Variants in GALNT17 observed in about 807,000 individuals in gnomAD.
The protein encoded by GALNT17 is UDP-GalNAc:polypeptide N-acetylgalactosaminyltransferase-like 3.
In GALNT17, 29 loss-of-function variants were observed where a neutral mutation model predicts 63.7. The observed-to-expected ratio is 0.46, with a 90% CI of 0.34 to 0.62. The LOEUF is 0.62. Among genes scored for constraint, GALNT17 ranks in the 20% least tolerant of loss-of-function variants. The pLI is 0.01. For missense variants in GALNT17, 603 were observed against 799.6 expected (o/e 0.75, Z 2.97); for synonymous variants, 305 against 318.3 (o/e 0.96, Z 0.45).
At chr7:71,346,719 A>G (rs1474081886) in intron 2 of GALNT17, among the ~76,000 whole-genome samples, 1 of 112,012 alleles carries the variant, frequency 8.9e-6, no homozygotes, top group Non-Finnish European at 1.6e-5. Flanking sequence ...CAGCAAGTGG[A>G]CAGTTTATCT....
chr7:71,631,390 A>G (rs777203368), intron 6 of GALNT17, among the ~76,000 whole-genome samples: 3 of 151,684 alleles, frequency 2.0e-5, no homozygotes, highest in Non-Finnish European at 2.9e-5. Context: ...AGGTCTCACT[A>G]TGTTGCCCAG....
intron 5 of GALNT17, among the ~76,000 whole-genome samples, chr7:71,569,649 A>G (rs1420935404): frequency 7.2e-5 from 11 of 152,168 alleles, no homozygotes; most frequent in Non-Finnish European, 1.6e-4. Context: ...ACTCTGGGGA[A>G]CAACTTTTCC....
At chr7:71,313,078 C>T (rs1433669740) in intron 1 of GALNT17, among the ~76,000 whole-genome samples, 1 of 152,142 alleles carries the variant, frequency 6.6e-6, no homozygotes, top group East Asian at 1.9e-4. Context: ...CACTGCACTC[C>T]AGTCTGGGGC....
chr7:71,710,979 C>A, intron 10 of GALNT17, 51 bp downstream of exon 10: 1 of 1,590,126 alleles, frequency 6.3e-7, no homozygotes, highest in Non-Finnish European at 8.5e-7. Context: ...CAAGAGGCTG[C>A]AGACCACAGA....
intron 5 of GALNT17, among the ~76,000 whole-genome samples, chr7:71,468,976 C>T (rs1472398098): frequency 6.6e-6 from 1 of 152,092 alleles, no homozygotes; most frequent in East Asian, 1.9e-4. Context: ...GGGACAGAAA[C>T]GTTTATCACA....
intron 4 of GALNT17, among the ~76,000 whole-genome samples, chr7:71,419,302 A>G (rs1217503890): frequency 6.6e-6 from 1 of 152,166 alleles, no homozygotes; most frequent in Non-Finnish European, 1.5e-5. Context: ...ACTTGGCTGT[A>G]TAACCTGGGG....
intron 4 of GALNT17, among the ~76,000 whole-genome samples, chr7:71,419,201 G>A (rs1786614275): frequency 6.6e-6 from 1 of 152,198 alleles, no homozygotes; most frequent in African/African-American, 2.4e-5. Flanking sequence ...GGACTTGCAT[G>A]GGGTTCATCA....
chr7:71,152,186 A>G (rs766024967), intron 1 of GALNT17, among the ~76,000 whole-genome samples: 2 of 152,174 alleles, frequency 1.3e-5, no homozygotes, highest in Non-Finnish European at 2.9e-5. Context: ...AATAAAATAC[A>G]CAAATCTCAC....
chr7:71,249,745 A>G (rs940172859), intron 1 of GALNT17, among the ~76,000 whole-genome samples: 12 of 152,224 alleles, frequency 7.9e-5, no homozygotes, highest in African/African-American at 2.7e-4. Flanking sequence ...ACCCCCCAAA[A>G]GAGATGTAGA....
chr7:71,201,762 G>C (rs930750454), intron 1 of GALNT17, among the ~76,000 whole-genome samples: 2 of 151,706 alleles, frequency 1.3e-5, no homozygotes, highest in African/African-American at 4.8e-5. Context: ...CTTCCGAGTC[G>C]CTGGGATTAC....
At chr7:71,157,439 C>G (rs528766651) in intron 1 of GALNT17, among the ~76,000 whole-genome samples, 1 of 151,900 alleles carries the variant, frequency 6.6e-6, no homozygotes, top group South Asian at 2.1e-4. Flanking sequence ...GGGTGGATCA[C>G]CTGAGGTCGG....
At chr7:71,684,206 G>C (rs1378089337) in intron 9 of GALNT17, among the ~76,000 whole-genome samples, 1 of 152,070 alleles carries the variant, frequency 6.6e-6, no homozygotes, top group African/African-American at 2.4e-5. Flanking sequence ...AGAACACTTT[G>C]GCTACCCTGC....
In GALNT17 at chr7:71,364,925, A is replaced by G. The variant is rs561450982; in HGVS notation, c.423-23310A>G. 5.2e-5 allele frequency among the ~76,000 whole-genome samples: 5 copies of G among 96,440 alleles called. No homozygotes were observed. The South Asian group carries it at 1.3e-3, about 26-fold the overall frequency. The allele number at this position is 96,440 out of a possible 152,430, so 63.3% of individuals were successfully genotyped here. ...GATTTCTAAAAGGAATCATTTTAATACTTTTTTTTATTATTTTTATTTTGA... is the reference window on the plus strand; with the variant it reads ...GATTTCTAAAAGGAATCATTTTAATGCTTTTTTTTATTATTTTTATTTTGA... On this transcript the variant is annotated intron_variant, in intron 2 of 10. Transcript: ENST00000333538.
chr7:71,581,831 G>A (rs754692507), intron 6 of GALNT17, among the ~76,000 whole-genome samples: 1 of 152,130 alleles, frequency 6.6e-6, no homozygotes, highest in Non-Finnish European at 1.5e-5. Flanking sequence ...CTGACAGTGA[G>A]ATGTCAAGGG....
intron 1 of GALNT17, among the ~76,000 whole-genome samples, chr7:71,260,432 T>C (rs1790365113): frequency 6.6e-6 from 1 of 152,150 alleles, no homozygotes; most frequent in South Asian, 2.1e-4. Flanking sequence ...ATTATTCCAC[T>C]GTGTGAGATC....
At chr7:71,495,137 AT>A (rs1563135308) in intron 5 of GALNT17, among the ~76,000 whole-genome samples, 2 of 152,138 alleles carry the variant, frequency 1.3e-5, no homozygotes, top group Non-Finnish European at 2.9e-5. Flanking sequence ...CTAGCTGGGC[AT>A]GGTGGTGCAC....
intron 1 of GALNT17, among the ~76,000 whole-genome samples, chr7:71,197,044 A>G (rs1156647896): frequency 6.6e-6 from 1 of 152,088 alleles, no homozygotes; most frequent in African/African-American, 2.4e-5. Context: ...TGATTCAGAC[A>G]TGCAGTGTGT....
Position 71,568,229 on chromosome 7 carries a change from G to A in GALNT17, c.963-3056G>A, listed in dbSNP as rs189183434. 2.5e-3 allele frequency among the ~76,000 whole-genome samples: 388 copies of A among 152,328 alleles called. 2 individuals are homozygous for A. The highest frequency in any genetic ancestry group is 5.9e-3 in the Admixed American group (91 of 15,306). The stretch of plus-strand genomic sequence containing the variant: ...CTAAAATCAAGGGCTTTGAAGGCAG[G>A]CAGATGCTGAGTTCTATTCTGTGAC... On this transcript the variant is annotated intron_variant, in intron 5 of 10. Transcript: ENST00000333538.
At chr7:71,676,908 A>T (rs1378469852) in intron 8 of GALNT17, among the ~76,000 whole-genome samples, 1 of 152,168 alleles carries the variant, frequency 6.6e-6, no homozygotes, top group Non-Finnish European at 1.5e-5. Context: ...CGGGGTAACC[A>T]GTGCTCCTGT....
Sources: allele counts gnomAD v4.1 joint callset (sites outside exome capture counted in the v4.1 genomes callset), GRCh38; gene constraint gnomAD v4.1.1; transcripts MANE v1.5; gene names NCBI Gene and HGNC (gene_info 2026-07-23, HGNC 2026-07-21).